Variants in PIAS2 observed in about 807,000 individuals in gnomAD.
PIAS2 encodes the protein protein inhibitor of activated STAT 2, also known as E3 SUMO-protein ligase PIAS2.
Under a neutral mutation model 69.7 loss-of-function variants are expected in PIAS2, and 19 were observed. That is an observed-to-expected ratio of 0.27 (90% CI 0.19 to 0.40). The LOEUF (loss-of-function observed/expected upper bound fraction) is 0.40. Ranked by LOEUF, PIAS2 falls within the 10% of genes least tolerant of loss-of-function variation. The pLI is 1.00. For synonymous variants in PIAS2, 261 were observed against 263.2 expected, an observed-to-expected ratio of 0.99 and a Z score of 0.08; for missense variants, 624 against 757.0, an observed-to-expected ratio of 0.82 and a Z score of 2.06.
chr18:46,849,395 TTATAAAA>T (rs1211376717), intron 5 of PIAS2, among the ~76,000 whole-genome samples: 1 of 152,224 alleles, frequency 6.6e-6, no homozygotes, highest in African/African-American at 2.4e-5. Context: ...AGTTGGAATT[TTATAAAA>T]TATAAAGTTT....
At position 46,826,591 on chromosome 18, in the gene PIAS2, C is replaced by A. The variant is rs557030003; in HGVS notation, c.1508+1368G>T. On this transcript the variant is annotated intron_variant, in intron 11 of 13. Transcript: ENST00000585916. ...CCTTCAAAATACATTTTGAACGTAA[C>A]CATTTCAAAATTATAACTTCATTTT... Among the ~76,000 whole-genome samples, 417 of 152,258 alleles carry A rather than the reference C, an allele frequency of 2.7e-3. 2 individuals are homozygous for A. The highest frequency in any genetic ancestry group is 4.6e-3 in the Non-Finnish European group (316 of 68,016).
chr18:46,864,417 A>G (rs1212646137), intron 2 of PIAS2, among the ~76,000 whole-genome samples, 169 bp from the exon 3 acceptor site: 2 of 152,216 alleles, frequency 1.3e-5, no homozygotes, highest in Admixed American at 6.5e-5. Context: ...TGGAATCATG[A>G]GTAAAGTCAC....
intron 2 of PIAS2, among the ~76,000 whole-genome samples, chr18:46,888,214 T>C (rs1471034446): frequency 3.9e-5 from 6 of 151,920 alleles, no homozygotes; most frequent in East Asian, 3.9e-4. Context: ...CATAAATAAA[T>C]AGAAACACAG....
rs553045496 is a variant in PIAS2, at chr18:46,832,188, G to A, written c.1203-2321C>T. Among the ~76,000 whole-genome samples the A allele has an allele frequency of 2.5e-3, 385 of 152,002 alleles. 17 individuals carry two copies. Among genetic ancestry groups the A allele is most frequent in the Non-Finnish European group, 1.9e-3 (128 of 67,970 alleles). Reference sequence around the variant, plus strand: ...TCCCAGCACTTTGGGATGCTGAGGCGGGTGGATCACGAGGTCGGGAGTTCG... The same window carrying A: ...TCCCAGCACTTTGGGATGCTGAGGCAGGTGGATCACGAGGTCGGGAGTTCG... On this transcript the variant is annotated intron_variant, in intron 9 of 13. Transcript: ENST00000585916.
chr18:46,859,553 C>T (rs1313186463), intron 3 of PIAS2, among the ~76,000 whole-genome samples: 1 of 150,554 alleles, frequency 6.6e-6, no homozygotes, highest in Non-Finnish European at 1.5e-5. Flanking sequence ...ATTAAGGAAA[C>T]GAGTAATGCA....
intron 12 of PIAS2, chr18:46,817,514 T>A (rs2041687806): frequency 2.1e-6 from 2 of 943,996 alleles, no homozygotes; most frequent in African/African-American, 1.8e-5. Context: ...TCTTTGATGA[T>A]TTCATGTGTG....
chr18:46,910,536 G>A (rs1476284455), intron 1 of PIAS2, among the ~76,000 whole-genome samples: 1 of 152,046 alleles, frequency 6.6e-6, no homozygotes, highest in African/African-American at 2.4e-5. Context: ...GAAATTCAAG[G>A]TATTTCCCCA....
At chr18:46,896,096 G>A (rs1168377025) in intron 1 of PIAS2, among the ~76,000 whole-genome samples, 2 of 122,048 alleles carry the variant, frequency 1.6e-5, no homozygotes, top group Non-Finnish European at 3.4e-5. Flanking sequence ...GTCAATTAAG[G>A]AAGCAAAAAA....
intron 2 of PIAS2, among the ~76,000 whole-genome samples, chr18:46,885,639 G>A (rs748090524): frequency 4.0e-5 from 6 of 150,718 alleles, no homozygotes; most frequent in Non-Finnish European, 8.8e-5. Context: ...TCTGTTTTTC[G>A]CGCCACTGCA....
chr18:46,865,074 C>T (rs528130872), intron 2 of PIAS2, among the ~76,000 whole-genome samples: 1 of 152,152 alleles, frequency 6.6e-6, no homozygotes, highest in East Asian at 1.9e-4. Context: ...AATGAAGTCA[C>T]CCTTATGTAT....
At chr18:46,906,671 T>C (rs907310266) in intron 1 of PIAS2, among the ~76,000 whole-genome samples, 7 of 151,570 alleles carry the variant, frequency 4.6e-5, no homozygotes, top group Non-Finnish European at 8.8e-5. Context: ...TTACAATGAT[T>C]GTGGTTAAGA....
At chr18:46,893,345 A>G (rs1190037324) in intron 1 of PIAS2, 4 of 334,134 alleles carry the variant, frequency 1.2e-5, no homozygotes, top group Non-Finnish European at 1.7e-5. Context: ...ACTTTGCTTC[A>G]CTCCTTATAC....
chr18:46,815,130 T>C (rs369555624), intron 13 of PIAS2, among the ~76,000 whole-genome samples, 182 bp downstream of exon 13: 5 of 152,312 alleles, frequency 3.3e-5, no homozygotes, highest in African/African-American at 1.2e-4. Flanking sequence ...ACAAAAATCA[T>C]AAACTGAAAA....
intron 5 of PIAS2, among the ~76,000 whole-genome samples, chr18:46,848,752 T>G (rs894634692): frequency 6.8e-6 from 1 of 146,550 alleles, no homozygotes; most frequent in Non-Finnish European, 1.5e-5. Context: ...AATATGGAAA[T>G]GAAAGAGAGA....
intron 1 of PIAS2, among the ~76,000 whole-genome samples, chr18:46,909,880 T>C (rs372237273): frequency 6.6e-6 from 1 of 152,150 alleles, no homozygotes; most frequent in Non-Finnish European, 1.5e-5. Context: ...TTAAGAAATA[T>C]GGATGGCCAG....
At position 46,829,820 on chromosome 18, in the gene PIAS2, T is replaced by C. The variant is rs753375333; in HGVS notation, c.1250A>G (p.Lys417Arg). The C allele has an allele frequency of 1.1e-5, 17 of 1,613,354 alleles. No individual in the cohort carries two copies. The highest frequency in any genetic ancestry group is 1.7e-5 in the Admixed American group (1 of 59,988). Reference protein sequence around the residue: ...LNDCSDVDEIKFQEDGSWCPM... With the variant: ...LNDCSDVDEIRFQEDGSWCPM... ...ACACCAAGAACCATCTTCTTGGAAT[T>C]TGATCTCATCTACATCAGAACAGTC... Residue 417 changes from lysine (K) to arginine (R), a missense_variant, in exon 10 of 14, where the codon AAA (lysine) becomes AGA (arginine). Lys to Arg is a conservative substitution (Grantham distance 26). This residue lies in a region of PIAS2 where 241 missense variants were observed against 257.3 expected (regional missense o/e 0.94). Transcript: ENST00000585916.
intron 2 of PIAS2, among the ~76,000 whole-genome samples, chr18:46,869,884 G>C (rs936768020): frequency 6.6e-6 from 1 of 152,014 alleles, no homozygotes; most frequent in South Asian, 2.1e-4. Context: ...TTGGCAGCAG[G>C]GACCCATCCT....
chr18:46,833,635 T>C (rs1170913341), intron 9 of PIAS2, among the ~76,000 whole-genome samples: 1 of 152,210 alleles, frequency 6.6e-6, no homozygotes. Context: ...AATGCTTTTA[T>C]TCAAGTGAAC....
In PIAS2 at chr18:46,807,378, TA is replaced by T. The variant is rs1418700081; in HGVS notation, c.*5054del. Reference sequence around the variant, plus strand: ...TTTTATATATATATATATATATATATATATATTTTTTTTTTTTTTTTTTTTT... The same window carrying T: ...TTTTATATATATATATATATATATATTATATTTTTTTTTTTTTTTTTTTTT... On this transcript the variant is annotated 3_prime_UTR_variant, in exon 14 of 14. Transcript: ENST00000585916. 2.0e-3 allele frequency: 67 copies of T among 33,580 alleles called. No homozygotes were observed. Among genetic ancestry groups the T allele is most frequent in the East Asian group, 7.1e-3 (15 of 2,114 alleles). 2.1% of individuals were successfully genotyped at this position (33,580 alleles called of 1,614,324 possible).
Sources: gnomAD v4.1 joint callset for allele counts (sites outside exome capture counted in the v4.1 genomes callset) on GRCh38, gnomAD v4.1.1 for gene constraint, gnomAD v4.1.1 regional missense constraint, MANE v1.5 for transcripts, NCBI Gene and HGNC (gene_info 2026-07-23, HGNC 2026-07-21) for gene names.